OC90: variants seen among roughly 807,000 people sequenced by gnomAD.
The protein encoded by OC90 is otoconin 90.
Under a neutral mutation model 47.3 loss-of-function variants are expected in OC90, and 46 were observed. That is an observed-to-expected ratio of 0.97 (90% CI 0.77 to 1.24). The LOEUF is 1.24. Among genes scored for constraint, OC90 ranks in the 50% most tolerant of loss-of-function variants. The pLI, the probability that OC90 is intolerant of heterozygous loss-of-function variation, is 0.00. For synonymous variants in OC90, 271 were observed against 219.5 expected (o/e 1.23, Z -2.07); for missense variants, 688 against 583.9 (o/e 1.18, Z -1.84).
chr8:132,040,376 C>T (rs1223226781), intron 6 of OC90, among the ~76,000 whole-genome samples: 3 of 152,170 alleles, frequency 2.0e-5, no homozygotes, highest in African/African-American at 7.2e-5. Context: ...TAAAGTATGG[C>T]TGTAATATAG....
intron 13 of OC90, among the ~76,000 whole-genome samples, chr8:132,026,963 G>T (rs900975551): frequency 6.6e-6 from 1 of 151,930 alleles, no homozygotes; most frequent in Non-Finnish European, 1.5e-5. Context: ...CAGCTCAGTT[G>T]TCCCTACACT....
At chr8:132,052,061 G>A (rs1237342651) in intron 2 of OC90, among the ~76,000 whole-genome samples, 2 of 152,230 alleles carry the variant, frequency 1.3e-5, no homozygotes, top group Non-Finnish European at 2.9e-5. Context: ...TGCGTGGGAC[G>A]GCTGGTGCTC....
At chr8:132,028,526 AAAAGAAAGAAAGAAAGAAAGAAAGAAAG>A (rs372685836) in intron 13 of OC90, among the ~76,000 whole-genome samples, 1 of 87,470 alleles carries the variant, frequency 1.1e-5, no homozygotes, top group Non-Finnish European at 2.1e-5. Flanking sequence ...AGAAAGAAAG[AAAAGAAAGAAAGAAAGAAAGAAAGAAAG>A]AAAGAAAGAA....
chr8:132,043,123 G>A (rs545183905), intron 4 of OC90, among the ~76,000 whole-genome samples: 1 of 152,354 alleles, frequency 6.6e-6, no homozygotes, highest in African/African-American at 2.4e-5. Flanking sequence ...GGTGATGACA[G>A]TATAAAACTA....
chr8:132,028,766 GAGAA>G lies in OC90; in HGVS notation c.1138+303_1138+306del, dbSNP rs796582324. On this transcript the variant is annotated intron_variant, in intron 13 of 13. Coordinates refer to ENST00000254627, the MANE Select transcript of OC90 (RefSeq NM_001080399.3). ...AGGAAGAAAGGAAGAGAGAGATAGA[GAGAA>G]AGAAAGAAAGAGAGGAAGAAAGAAG... is the stretch of plus-strand genomic sequence containing the variant. Among the ~76,000 whole-genome samples the G allele has an allele frequency of 7.8e-3, 1,006 of 128,380 alleles. 21 individuals carry two copies. The highest frequency in any genetic ancestry group is 0.03 in the African/African-American group (884 of 29,068). The allele number at this position is 128,380 out of a possible 152,430, so 84.2% of individuals were successfully genotyped here. A position where few individuals can be genotyped will look rare whatever the true frequency, so the allele number is the denominator to read the frequency against.
chr8:132,034,476 C>T (rs1822924457), intron 10 of OC90, among the ~76,000 whole-genome samples: 1 of 152,180 alleles, frequency 6.6e-6, no homozygotes, highest in East Asian at 1.9e-4. Flanking sequence ...CCAGTGTCTG[C>T]TCTCTGCTGA....
At chr8:132,032,152 G>A in intron 11 of OC90, 100 bp from the exon 12 acceptor site, 1 of 1,035,592 alleles carries the variant, frequency 9.7e-7, no homozygotes, top group Non-Finnish European at 1.5e-6. Context: ...GACAACTCTA[G>A]TCATGCAAAG....
In OC90 at chr8:132,050,322, C is replaced by T. The variant is rs1200472518; in HGVS notation, c.47-4439G>A. Among the ~76,000 whole-genome samples, 5 of 152,044 alleles carry T rather than the reference C, an allele frequency of 3.3e-5. No homozygotes were observed. In the East Asian group the frequency reaches 5.8e-4, roughly 18 times the overall value. The stretch of plus-strand genomic sequence containing the variant: ...GGAAGGTTCTAAGTAGGCACAGTGA[C>T]GGTGGAGTCATAGGAAGGCACGATC... On this transcript the variant is annotated intron_variant, in intron 2 of 13. Transcript: ENST00000254627.
chr8:132,041,713 G>T lies in OC90; in HGVS notation c.170-14C>A. ...GGCCCAGGCAATCTGTGGGGGTGGG[G>T]GGCAGGGCCTGATAAGCACTGGGAA... On this transcript the variant is annotated splice_polypyrimidine_tract_variant and intron_variant, in intron 4 of 13. Coordinates refer to ENST00000254627, the MANE Select transcript of OC90 (RefSeq NM_001080399.3). 2.0e-6 allele frequency: 3 copies of T among 1,532,218 alleles called. No homozygotes were observed. The highest frequency in any genetic ancestry group is 2.3e-5 in the South Asian group (2 of 88,236). 94.9% of individuals were successfully genotyped at this position (1,532,218 alleles called of 1,614,324 possible).
intron 4 of OC90, among the ~76,000 whole-genome samples, 196 bp from the exon 5 acceptor site, chr8:132,041,895 C>T (rs1823059651): frequency 6.6e-6 from 1 of 152,144 alleles, no homozygotes; most frequent in East Asian, 1.9e-4. Flanking sequence ...AAACCTTCTT[C>T]CTTACTGACA....
chr8:132,048,083 C>T (rs1341877612), intron 2 of OC90, among the ~76,000 whole-genome samples: 2 of 152,126 alleles, frequency 1.3e-5, no homozygotes, highest in Non-Finnish European at 2.9e-5. Context: ...ACGAGAAGGC[C>T]CTCACCAGAC....
intron 5 of OC90, 94 bp downstream of exon 5, chr8:132,041,431 G>A (rs1823050943): frequency 1.5e-5 from 17 of 1,159,742 alleles, no homozygotes; most frequent in Non-Finnish European, 2.1e-5. Context: ...CCAAGTCCAG[G>A]GGCTTTTCTG....
intron 4 of OC90, among the ~76,000 whole-genome samples, chr8:132,043,429 T>C (rs1274429037): frequency 6.6e-6 from 1 of 152,240 alleles, no homozygotes. Context: ...TGATTTGCCC[T>C]AAAGTATACA....
Position 132,024,540 on chromosome 8 carries a change from T to C in OC90, c.1375A>G (p.Lys459Glu). The C allele has an allele frequency of 1.2e-6, 2 of 1,606,004 alleles. No individual in the cohort carries two copies. Among genetic ancestry groups the C allele is most frequent in the East Asian group, 2.2e-5 (1 of 44,690 alleles). ...CCCAGTGACTTCCGCAGAAACCTCTTGGCTCTGCCGAGGTCCTCCTGTGGA... is the reference window on the plus strand; with the variant it reads ...CCCAGTGACTTCCGCAGAAACCTCTCGGCTCTGCCGAGGTCCTCCTGTGGA... The part of the protein sequence containing the change: ...DPPQEDLGRA[K>E]RFLRKSLGPL... The change falls in exon 14 of 14, where the codon AAG becomes GAG. Residue 459 changes from lysine to glutamate, a missense_variant. Physicochemically the swap from Lys to Glu is moderately conservative, Grantham distance 56 (BLOSUM62 1). Coordinates refer to ENST00000254627, the MANE Select transcript of OC90 (RefSeq NM_001080399.3).
Position 132,033,145 on chromosome 8 carries a change from T to C in OC90, c.753A>G (p.Ala251=). Residue 251 remains alanine, a synonymous_variant, in exon 11 of 14, where the codon GCA becomes GCG. Transcript: ENST00000254627. Reference sequence around the variant, plus strand: ...TTACAATTTTAGCTGTAACCCTTGTTGCAACTATCTCTGCAGATCCTGAAA... The same window carrying C: ...TTACAATTTTAGCTGTAACCCTTGTCGCAACTATCTCTGCAGATCCTGAAA... The part of the protein sequence containing the change: ...TSPPGSAEIV[A]TRVTAKIVTL... 6.2e-7 allele frequency: 1 copy of C among 1,606,546 alleles called. No individual in the cohort carries two copies. Among genetic ancestry groups the C allele is most frequent in the Non-Finnish European group, 8.5e-7 (1 of 1,176,456 alleles).
rs372685836 is a variant in OC90, at chr8:132,028,526, A to AAAAGAAAGAAAGAAAGAAAG, written c.1138+527_1138+546dup. 2.6e-3 allele frequency among the ~76,000 whole-genome samples: 230 copies of AAAAGAAAGAAAGAAAGAAAG among 87,536 alleles called. 1 individual carries two copies. The highest frequency in any genetic ancestry group is 5.2e-3 in the African/African-American group (102 of 19,680). 57.4% of individuals were successfully genotyped at this position (87,536 alleles called of 152,430 possible). ...GAAAGAAAAAGAAAAAGAAAGAAAGAAAAGAAAGAAAGAAAGAAAGAAAGA... is the reference window on the plus strand; with the variant it reads ...GAAAGAAAAAGAAAAAGAAAGAAAGAAAAGAAAGAAAGAAAGAAAGAAAGAAAGAAAGAAAGAAAGAAAGA... On this transcript the variant is annotated intron_variant, in intron 13 of 13. Transcript: ENST00000254627.
intron 13 of OC90, among the ~76,000 whole-genome samples, chr8:132,028,198 T>C (rs1303669885): frequency 6.6e-6 from 1 of 152,132 alleles, no homozygotes; most frequent in Non-Finnish European, 1.5e-5. Flanking sequence ...TGATAATACG[T>C]GCCTCAACAT....
chr8:132,036,769 C>T (rs1205151644), intron 9 of OC90, among the ~76,000 whole-genome samples: 3 of 152,240 alleles, frequency 2.0e-5, no homozygotes, highest in Non-Finnish European at 2.9e-5. Context: ...GTGTCTTAGA[C>T]AATTCATCTC....
chr8:132,047,893 A>G (rs1428119189), intron 2 of OC90, among the ~76,000 whole-genome samples: 1 of 152,204 alleles, frequency 6.6e-6, no homozygotes, highest in East Asian at 1.9e-4. Flanking sequence ...TTAAACCTCA[A>G]GGTGATGGTA....
Sources: allele counts gnomAD v4.1 joint callset (sites outside exome capture counted in the v4.1 genomes callset), GRCh38; gene constraint gnomAD v4.1.1; transcripts MANE v1.5; gene names NCBI Gene and HGNC (gene_info 2026-07-23, HGNC 2026-07-21).